Variants in SLC35F3 observed in about 807,000 individuals in gnomAD.
SLC35F3 encodes the protein solute carrier family 35 member F3, also known as putative thiamine transporter SLC35F3.
SLC35F3 carries 25 observed loss-of-function variants against 49.9 expected under a neutral mutation model. That is an observed-to-expected ratio of 0.50 (90% CI 0.37 to 0.70). The LOEUF (loss-of-function observed/expected upper bound fraction) is 0.70. Among genes scored for constraint, SLC35F3 ranks in the 30% least tolerant of loss-of-function variants. The pLI, the probability that SLC35F3 is intolerant of heterozygous loss-of-function variation, is 0.00. For synonymous variants in SLC35F3, 275 were observed against 265.4 expected, an observed-to-expected ratio of 1.04 and a Z score of -0.35; for missense variants, 525 against 639.8, an observed-to-expected ratio of 0.82 and a Z score of 1.94.
In SLC35F3 at chr1:234,000,425, G is replaced by T. The variant is rs148665041; in HGVS notation, c.283+94667G>T. 1.6e-3 allele frequency among the ~76,000 whole-genome samples: 249 copies of T among 152,306 alleles called. 3 individuals carry two copies. Among genetic ancestry groups the T allele is most frequent in the Non-Finnish European group, 2.0e-3 (133 of 68,020 alleles). On this transcript the variant is annotated intron_variant, in intron 2 of 7. Coordinates refer to ENST00000366618, the MANE Select transcript of SLC35F3 (RefSeq NM_173508.4). Reference sequence around the variant, plus strand: ...AGGGGACACATTGCTGACTAACAAGGCTCTCTGAAATCAACAATGTATGTA... The same window carrying T: ...AGGGGACACATTGCTGACTAACAAGTCTCTCTGAAATCAACAATGTATGTA...
At chr1:234,225,905 T>G (rs930832169) in intron 2 of SLC35F3, among the ~76,000 whole-genome samples, 3 of 152,176 alleles carry the variant, frequency 2.0e-5, no homozygotes, top group Admixed American at 1.3e-4. Context: ...AAAGACATGA[T>G]GTTAAATGAA....
intron 2 of SLC35F3, among the ~76,000 whole-genome samples, chr1:234,074,892 G>A (rs145984434): frequency 2.0e-5 from 3 of 152,324 alleles, no homozygotes; most frequent in East Asian, 3.9e-4. Flanking sequence ...CATTTGAGAT[G>A]TCTGGGGAGG....
chr1:234,008,490 A>G (rs1663664878), intron 2 of SLC35F3, among the ~76,000 whole-genome samples: 1 of 152,100 alleles, frequency 6.6e-6, no homozygotes, highest in South Asian at 2.1e-4. Context: ...TTTGTCCTTG[A>G]TGGTAAAGCC....
intron 2 of SLC35F3, among the ~76,000 whole-genome samples, chr1:234,167,330 C>A (rs1666335254): frequency 1.3e-5 from 2 of 152,176 alleles, no homozygotes; most frequent in South Asian, 4.1e-4. Context: ...CTCAGAGAAG[C>A]CAAGGAAATG....
chr1:234,056,174 C>A (rs529205081), intron 2 of SLC35F3, among the ~76,000 whole-genome samples: 2 of 152,004 alleles, frequency 1.3e-5, no homozygotes, highest in South Asian at 2.1e-4. Flanking sequence ...TTCATTTATT[C>A]TTCAATCACT....
intron 2 of SLC35F3, among the ~76,000 whole-genome samples, chr1:233,916,448 C>A (rs1200137405): frequency 6.6e-6 from 1 of 152,184 alleles, no homozygotes; most frequent in Non-Finnish European, 1.5e-5. Context: ...TTTAAAAAAC[C>A]TTTGTAGAGA....
At chr1:234,125,922 A>G (rs758784207) in intron 2 of SLC35F3, among the ~76,000 whole-genome samples, 11 of 152,160 alleles carry the variant, frequency 7.2e-5, no homozygotes, top group African/African-American at 9.7e-5. Flanking sequence ...GTGTGTGATG[A>G]AGAACAGTCT....
chr1:234,116,931 C>G (rs535315437), intron 2 of SLC35F3, among the ~76,000 whole-genome samples: 94 of 152,246 alleles, frequency 6.2e-4, no homozygotes, highest in African/African-American at 2.2e-3. Flanking sequence ...TATCTCAGCC[C>G]CAGCCCTGGA....
intron 2 of SLC35F3, among the ~76,000 whole-genome samples, chr1:233,929,866 C>T (rs1260641899): frequency 6.6e-6 from 1 of 152,106 alleles, no homozygotes; most frequent in Non-Finnish European, 1.5e-5. Flanking sequence ...GGATGTTGTG[C>T]CACTGTTGAA....
At chr1:234,247,453 T>TGGTTGGTTGGTCCATTGCTTGGTG (rs1186969883) in intron 3 of SLC35F3, among the ~76,000 whole-genome samples, 1 of 145,058 alleles carries the variant, frequency 6.9e-6, no homozygotes, top group Non-Finnish European at 1.5e-5. Context: ...TTTGGTGGGT[T>TGGTTGGTTGGTCCATTGCTTGGTG]GGTTGGTTGG....
intron 2 of SLC35F3, among the ~76,000 whole-genome samples, chr1:234,188,333 C>T (rs997029102): frequency 6.6e-6 from 1 of 151,876 alleles, no homozygotes; most frequent in Non-Finnish European, 1.5e-5. Context: ...TGGAAACAGA[C>T]TCAGTGCTGG....
Position 234,253,340 on chromosome 1 carries a change from A to G in SLC35F3, c.608+21599A>G, listed in dbSNP as rs901096387. 2.6e-5 allele frequency among the ~76,000 whole-genome samples: 4 copies of G among 151,676 alleles called. 1 individual carries two copies. The highest frequency in any genetic ancestry group is 5.9e-5 in the Non-Finnish European group (4 of 67,984). ...AAAAAACTTCATCTCAAAAAAAATA[A>G]TAATAATTAAAAAAAAAACAGAATG... On this transcript the variant is annotated intron_variant, in intron 3 of 7. Coordinates refer to ENST00000366618, the MANE Select transcript of SLC35F3 (RefSeq NM_173508.4).
chr1:234,097,969 G>T (rs948123586), intron 2 of SLC35F3, among the ~76,000 whole-genome samples: 1 of 152,074 alleles, frequency 6.6e-6, no homozygotes, highest in South Asian at 2.1e-4. Flanking sequence ...CTGTGTTGGT[G>T]GTGGCAGTTC....
At chr1:234,142,686 A>G (rs60720691) in intron 2 of SLC35F3, among the ~76,000 whole-genome samples, 19,903 of 151,880 alleles carry the variant, frequency 0.13, 2,905 homozygotes, top group East Asian at 0.75. Flanking sequence ...ATGTGTCGCT[A>G]TATGGGGGGA....
At chr1:233,971,562 A>G (rs1039773239) in intron 2 of SLC35F3, among the ~76,000 whole-genome samples, 1 of 152,106 alleles carries the variant, frequency 6.6e-6, no homozygotes, top group Non-Finnish European at 1.5e-5. Context: ...TTTACTAAGA[A>G]TACAAAAATT....
chr1:234,147,376 A>G (rs1666014552), intron 2 of SLC35F3, among the ~76,000 whole-genome samples: 1 of 151,312 alleles, frequency 6.6e-6, no homozygotes, highest in Non-Finnish European at 1.5e-5. Flanking sequence ...TTCACCTGTT[A>G]TTGTATCATA....
intron 2 of SLC35F3, among the ~76,000 whole-genome samples, chr1:233,993,301 ATGGTCAGTTTTGCTGGGCTGG>A (rs1310697479): frequency 6.6e-5 from 10 of 152,074 alleles, no homozygotes; most frequent in Non-Finnish European, 1.0e-4. Flanking sequence ...TGAGCATGAG[ATGGTCAGTTTTGCTGGGCTGG>A]TGGTCCAGGG....
At chr1:234,161,236 C>T (rs1010852684) in intron 2 of SLC35F3, among the ~76,000 whole-genome samples, 3 of 152,170 alleles carry the variant, frequency 2.0e-5, no homozygotes, top group African/African-American at 7.2e-5. Flanking sequence ...AATGGCCTTC[C>T]GAGGTAGGCA....
chr1:234,069,322 A>G (rs961016553), intron 2 of SLC35F3, among the ~76,000 whole-genome samples: 2 of 148,110 alleles, frequency 1.4e-5, no homozygotes, highest in African/African-American at 2.5e-5. Context: ...CAGTGGTGCA[A>G]TCTCAGCTCA....
Sources: gnomAD v4.1 joint callset for allele counts (sites outside exome capture counted in the v4.1 genomes callset) on GRCh38, gnomAD v4.1.1 for gene constraint, MANE v1.5 for transcripts, NCBI Gene and HGNC (gene_info 2026-07-23, HGNC 2026-07-21) for gene names.